CTNNA2: variants seen among roughly 807,000 people sequenced by gnomAD.
CTNNA2 encodes the protein catenin alpha 2.
A neutral mutation model predicts 101.0 loss-of-function variants in CTNNA2; 42 were observed. The observed-to-expected ratio is 0.42, with a 90% confidence interval of 0.32 to 0.54. The LOEUF (loss-of-function observed/expected upper bound fraction) is 0.54, where lower values mean the gene tolerates loss of function less well. Ranked by LOEUF, CTNNA2 falls within the 20% of genes least tolerant of loss-of-function variation. The probability of loss-of-function intolerance (pLI) is 0.14; values close to 1 mark genes in which losing one functional copy is unlikely to be tolerated. For synonymous variants in CTNNA2, 450 were observed against 456.4 expected, an observed-to-expected ratio of 0.99 and a Z score of 0.18; for missense variants, 871 against 1,223.1, an observed-to-expected ratio of 0.71 and a Z score of 4.29.
chr2:79,933,216 T>C (rs548445195), intron 7 of CTNNA2, among the ~76,000 whole-genome samples: 20 of 152,316 alleles, frequency 1.3e-4, no homozygotes, highest in Admixed American at 3.9e-4. Context: ...TCTTAGGTCA[T>C]AGATTCATGG....
intron 1 of CTNNA2, among the ~76,000 whole-genome samples, chr2:79,195,032 G>A (rs1410321849): frequency 6.6e-6 from 1 of 152,148 alleles, no homozygotes; most frequent in African/African-American, 2.4e-5. Context: ...CACTGAGAAG[G>A]AACTGTGAAT....
chr2:79,870,461 A>G (rs1475559688), intron 5 of CTNNA2, among the ~76,000 whole-genome samples: 1 of 150,396 alleles, frequency 6.6e-6, no homozygotes, highest in Non-Finnish European at 1.5e-5. Context: ...ACAGGGGGAA[A>G]AGGGGAGGGG....
intron 7 of CTNNA2, among the ~76,000 whole-genome samples, chr2:79,961,608 G>A (rs1450059320): frequency 1.3e-5 from 2 of 151,912 alleles, no homozygotes; most frequent in African/African-American, 2.4e-5. Flanking sequence ...GGATCACCAG[G>A]TCAGGAGATA....
Position 80,303,691 on chromosome 2 carries a change from G to A in CTNNA2, c.1057-89520G>A. ...AGTACAGCAGCCGCCCCTCGCACCGGCACAGCTGCGGGCACCCGCTGGGGG... is the reference window on the plus strand; with the variant it reads ...AGTACAGCAGCCGCCCCTCGCACCGACACAGCTGCGGGCACCCGCTGGGGG... On this transcript the variant is annotated intron_variant, in intron 7 of 18. Transcript: ENST00000402739. The surrounding 1 kb of genome is among the most constrained non-coding windows in gnomAD (Gnocchi z 7.7). 1 of 1,610,160 alleles carries A rather than the reference G, an allele frequency of 6.2e-7. No homozygotes were observed. The highest frequency in any genetic ancestry group is 8.5e-7 in the Non-Finnish European group (1 of 1,177,800).
chr2:79,851,737 CTTTTTT>C lies in CTNNA2; in HGVS notation c.299-6259_299-6254del, dbSNP rs11399192. ...TTTTCTTTTTCATTTTTTTCTTTTC[CTTTTTT>C]TTTTTTTTTTTTTTTTGAGACAGAA... On this transcript the variant is annotated intron_variant, in intron 3 of 18. Transcript: ENST00000402739. 3.8e-4 allele frequency among the ~76,000 whole-genome samples: 33 copies of C among 87,134 alleles called. No homozygotes were observed. The East Asian group carries it at 9.6e-3, about 25-fold the overall frequency. The allele number at this position is 87,134 out of a possible 152,430, so 57.2% of individuals were successfully genotyped here. A position where few individuals can be genotyped will look rare whatever the true frequency, so the allele number is the denominator to read the frequency against.
intron 7 of CTNNA2, among the ~76,000 whole-genome samples, chr2:80,230,355 C>T (rs1283638576): frequency 6.6e-6 from 1 of 150,930 alleles, no homozygotes; most frequent in Admixed American, 6.6e-5. Flanking sequence ...CTTGGTCTCC[C>T]AAAGTGGTAG....
intron 7 of CTNNA2, among the ~76,000 whole-genome samples, chr2:80,337,618 TAC>T (rs941917361): frequency 3.3e-5 from 5 of 151,488 alleles, no homozygotes; most frequent in East Asian, 2.0e-4. Context: ...CACACACAAA[TAC>T]ACACACACAC....
At chr2:80,212,009 C>A (rs888643963) in intron 7 of CTNNA2, among the ~76,000 whole-genome samples, 3 of 152,080 alleles carry the variant, frequency 2.0e-5, no homozygotes, top group African/African-American at 7.2e-5. Flanking sequence ...CATGATTTGG[C>A]TCTCTGTTTG....
intron 2 of CTNNA2, among the ~76,000 whole-genome samples, chr2:79,294,137 T>C (rs1347586198): frequency 6.6e-6 from 1 of 151,390 alleles, no homozygotes; most frequent in Non-Finnish European, 1.5e-5. Context: ...GGCTTATAGA[T>C]GGCCACTTTC....
chr2:80,173,001 T>C (rs1705165513), intron 7 of CTNNA2, among the ~76,000 whole-genome samples: 1 of 152,200 alleles, frequency 6.6e-6, no homozygotes, highest in African/African-American at 2.4e-5. Context: ...TACTTTAACA[T>C]ATAAATTTGT....
intron 1 of CTNNA2, among the ~76,000 whole-genome samples, chr2:79,626,679 G>A (rs889724750): frequency 3.3e-5 from 5 of 150,658 alleles, no homozygotes; most frequent in Non-Finnish European, 7.4e-5. Flanking sequence ...ACATGGGAAA[G>A]GTGTGGGAAA....
intron 15 of CTNNA2, among the ~76,000 whole-genome samples, chr2:80,603,055 A>T (rs547469351): frequency 1.3e-5 from 2 of 152,162 alleles, no homozygotes; most frequent in Admixed American, 1.3e-4. Context: ...GTCTGAATAA[A>T]TCCCTTCTGA....
Position 79,416,265 on chromosome 2 carries a change from T to TTTTTC in CTNNA2, c.-135+42256_-135+42257insCTTTT, listed in dbSNP as rs1558662103. 7.4e-3 allele frequency among the ~76,000 whole-genome samples: 1,024 copies of TTTTTC among 137,450 alleles called. 19 individuals carry two copies. The highest frequency in any genetic ancestry group is 0.029 in the African/African-American group (970 of 33,758). 90.2% of individuals were successfully genotyped at this position (137,450 alleles called of 152,430 possible). A position where few individuals can be genotyped will look rare whatever the true frequency, so the allele number is the denominator to read the frequency against. On this transcript the variant is annotated intron_variant, in intron 4 of 21. Transcript: ENST00000466387. ...TCTTCTTCTTTCCTTTTCTTTTTTT[T>TTTTTC]TTTTTTTTTTTTTTTTGGCCAATAA...
At chr2:80,080,424 A>C (rs1383556635) in intron 7 of CTNNA2, among the ~76,000 whole-genome samples, 1 of 152,196 alleles carries the variant, frequency 6.6e-6, no homozygotes, top group African/African-American at 2.4e-5. Flanking sequence ...TCGATAGGGA[A>C]ACAGCCTTGA....
chr2:79,202,768 A>G (rs1377287763), intron 2 of CTNNA2, among the ~76,000 whole-genome samples: 1 of 137,326 alleles, frequency 7.3e-6, no homozygotes, highest in Non-Finnish European at 1.6e-5. Context: ...TCTTTACTAC[A>G]GTCTGCATCT....
intron 7 of CTNNA2, among the ~76,000 whole-genome samples, chr2:80,005,418 AG>A (rs1693266394): frequency 6.6e-6 from 1 of 152,186 alleles, no homozygotes; most frequent in Non-Finnish European, 1.5e-5. Context: ...CTATCACAAA[AG>A]TTTATCATGG....
chr2:80,286,171 G>C (rs893098703), intron 7 of CTNNA2, among the ~76,000 whole-genome samples: 52 of 152,096 alleles, frequency 3.4e-4, no homozygotes, highest in African/African-American at 1.2e-3. Flanking sequence ...GCCGTGTTTG[G>C]TTATTGAAGT....
intron 4 of CTNNA2, among the ~76,000 whole-genome samples, chr2:79,430,097 T>C (rs1197312958): frequency 6.6e-6 from 1 of 152,024 alleles, no homozygotes; most frequent in Non-Finnish European, 1.5e-5. Flanking sequence ...TTCATGGAGC[T>C]TGAGAGAAGC....
Position 79,869,818 on chromosome 2 carries a change from G to T in CTNNA2, c.468G>T (p.Val156=). Residue 156 remains valine (V), a splice_region_variant and synonymous_variant, in exon 5 of 19, where the codon GTG becomes GTT. Coordinates refer to ENST00000402739, the MANE Select transcript of CTNNA2 (RefSeq NM_001282597.3). ...VMRLLSHLKI[V]EEALEAVKNA... ...TATGTTGTTTTTCACCACTGCAGGT[G>T]GAAGAGGCCCTGGAAGCTGTCAAAA... 1.2e-6 allele frequency: 2 copies of T among 1,613,254 alleles called. No homozygotes were observed. The highest frequency in any genetic ancestry group is 8.5e-7 in the Non-Finnish European group (1 of 1,179,782).
Sources: gnomAD v4.1 joint callset for allele counts (sites outside exome capture counted in the v4.1 genomes callset) on GRCh38, gnomAD v4.1.1 for gene constraint, Gnocchi (gnomAD v3.1) non-coding constraint, MANE v1.5 for transcripts, NCBI Gene and HGNC (gene_info 2026-07-23, HGNC 2026-07-21) for gene names.